Variants in PTPRK observed in about 807,000 individuals in gnomAD.
PTPRK encodes the protein receptor-type tyrosine-protein phosphatase kappa.
PTPRK carries 75 observed loss-of-function variants against 178.0 expected under a neutral mutation model. The observed-to-expected ratio is 0.42, with a 90% CI of 0.35 to 0.51. The LOEUF is 0.51. PTPRK is among the 20% of genes least tolerant of loss of function. The pLI is 0.02. For missense variants in PTPRK, 1,441 were observed against 1,797.8 expected (o/e 0.80, Z 3.59); for synonymous variants, 637 against 620.6 (o/e 1.03, Z -0.39).
chr6:128,260,624 T>C lies in PTPRK; in HGVS notation c.496-18022A>G, dbSNP rs557527393. Among the ~76,000 whole-genome samples the C allele has an allele frequency of 1.1e-4, 17 of 152,306 alleles. No homozygotes were observed. The South Asian group carries it at 3.3e-3, about 30-fold the overall frequency. On this transcript the variant is annotated intron_variant, in intron 3 of 29. Coordinates refer to ENST00000368226, the MANE Select transcript of PTPRK (RefSeq NM_002844.4). ...AAGATGCTTGTATAATGTCCATTTA[T>C]GAAAGCAGTTTCCTAATCTCCTAAT... is the stretch of plus-strand genomic sequence containing the variant.
intron 7 of PTPRK, among the ~76,000 whole-genome samples, chr6:128,095,585 C>G (rs1021793636): frequency 6.6e-6 from 1 of 152,136 alleles, no homozygotes; most frequent in Non-Finnish European, 1.5e-5. Flanking sequence ...TTGGACACCC[C>G]ATCAATCAGG....
In PTPRK at chr6:128,322,307, GA is replaced by G. The variant is rs762949659; in HGVS notation, c.226del (p.Ser76ProfsTer3). The G allele has an allele frequency of 2.6e-6, 4 of 1,567,896 alleles. No individual in the cohort carries two copies. The highest frequency in any genetic ancestry group is 3.5e-6 in the Non-Finnish European group (4 of 1,139,928). The part of the protein sequence containing the change: ...HYLPPEMPQG[S>X]YMIVDSSDHD... The stretch of plus-strand genomic sequence containing the variant: ...ATCTGAAGAGTCCACTATCATATAG[GA>G]ACCTGAAATGACATTACAAATAATA... On this transcript the variant is annotated frameshift_variant and splice_region_variant, in exon 3 of 30. Transcript: ENST00000368226. LOFTEE classifies it high-confidence loss of function.
chr6:128,412,815 G>T (rs914127934), intron 1 of PTPRK, among the ~76,000 whole-genome samples: 1 of 152,152 alleles, frequency 6.6e-6, no homozygotes, highest in Non-Finnish European at 1.5e-5. Flanking sequence ...TTTTAAGTAA[G>T]CTGTTGGCAC....
At position 128,331,705 on chromosome 6, in the gene PTPRK, T is replaced by C. The variant is rs577645965; in HGVS notation, c.224-9395A>G. 2.0e-5 allele frequency among the ~76,000 whole-genome samples: 3 copies of C among 152,252 alleles called. No individual in the cohort carries two copies. The South Asian group carries it at 6.2e-4, about 32-fold the overall frequency. On this transcript the variant is annotated intron_variant, in intron 2 of 29. Transcript: ENST00000368226. Reference sequence around the variant, plus strand: ...ATCATACAGTTTGTTTCTAAGACAGTATGAGGCAAATATTACAAAATGTCA... The same window carrying C: ...ATCATACAGTTTGTTTCTAAGACAGCATGAGGCAAATATTACAAAATGTCA...
chr6:128,295,705 A>G (rs1315869626), intron 3 of PTPRK, among the ~76,000 whole-genome samples: 1 of 152,108 alleles, frequency 6.6e-6, no homozygotes, highest in Non-Finnish European at 1.5e-5. Context: ...CAATAAACTT[A>G]AGCAAGTTAG....
chr6:127,994,722 CA>C (rs1776953031), intron 18 of PTPRK, among the ~76,000 whole-genome samples: 1 of 151,738 alleles, frequency 6.6e-6, no homozygotes, highest in African/African-American at 2.4e-5. Flanking sequence ...AATATATGAT[CA>C]AAGCAACCTT....
intron 3 of PTPRK, among the ~76,000 whole-genome samples, chr6:128,296,400 G>A (rs991597873): frequency 6.6e-6 from 1 of 152,228 alleles, no homozygotes; most frequent in African/African-American, 2.4e-5. Flanking sequence ...CTCGAGAAGA[G>A]CAACTCCAAG....
chr6:128,317,786 G>C (rs1828217429), intron 3 of PTPRK, among the ~76,000 whole-genome samples: 1 of 152,038 alleles, frequency 6.6e-6, no homozygotes, highest in Non-Finnish European at 1.5e-5. Flanking sequence ...TTTATTATCA[G>C]GGAGGAACAT....
intron 3 of PTPRK, among the ~76,000 whole-genome samples, chr6:128,270,777 A>G (rs1289762147): frequency 6.6e-6 from 1 of 152,118 alleles, no homozygotes; most frequent in East Asian, 1.9e-4. Context: ...GAAAATTTTA[A>G]TTTATTTCTC....
intron 2 of PTPRK, among the ~76,000 whole-genome samples, chr6:128,355,274 G>A (rs2128339302): frequency 6.6e-6 from 1 of 152,218 alleles, no homozygotes; most frequent in Admixed American, 6.5e-5. Flanking sequence ...AAGCTGCCTA[G>A]CAAACCATTT....
At chr6:128,445,218 ATAATTTATATATAATAGTATAAATAC>A (rs1331580346) in intron 1 of PTPRK, among the ~76,000 whole-genome samples, 7 of 140,326 alleles carry the variant, frequency 5.0e-5, no homozygotes, top group African/African-American at 1.9e-4. Context: ...ATATATATAT[ATAATTTATATATAATAGTATAAATAC>A]TATATATAAT....
chr6:128,186,120 C>T (rs927094088), intron 6 of PTPRK, among the ~76,000 whole-genome samples: 1 of 152,012 alleles, frequency 6.6e-6, no homozygotes, highest in African/African-American at 2.4e-5. Flanking sequence ...AATTGAGTAG[C>T]TATTAATTGT....
intron 13 of PTPRK, among the ~76,000 whole-genome samples, chr6:128,027,183 T>C (rs773412539): frequency 3.9e-5 from 6 of 152,232 alleles, no homozygotes; most frequent in Non-Finnish European, 5.9e-5. Flanking sequence ...TCAAAGTATT[T>C]TGAAGTAAAA....
intron 7 of PTPRK, among the ~76,000 whole-genome samples, chr6:128,183,288 T>C (rs148420724): frequency 1.8e-3 from 279 of 152,294 alleles, no homozygotes; most frequent in African/African-American, 6.6e-3. Context: ...ATGACCTCGA[T>C]TGAAAGGACA....
At chr6:128,508,630 C>T (rs549768627) in intron 1 of PTPRK, among the ~76,000 whole-genome samples, 1 of 152,236 alleles carries the variant, frequency 6.6e-6, no homozygotes, top group South Asian at 2.1e-4. Flanking sequence ...CCTTGGCCAA[C>T]TGTGGTCCAA....
chr6:127,995,396 A>T, intron 18 of PTPRK, 66 bp downstream of exon 18: 1 of 1,476,900 alleles, frequency 6.8e-7, no homozygotes, highest in Non-Finnish European at 9.4e-7. Flanking sequence ...CTTTATAGGT[A>T]ATAAGCAAAA....
chr6:128,222,478 C>T (rs1810593258), intron 5 of PTPRK, among the ~76,000 whole-genome samples: 1 of 152,152 alleles, frequency 6.6e-6, no homozygotes, highest in Non-Finnish European at 1.5e-5. Flanking sequence ...CTCCCTAACC[C>T]AGTCCTGTGA....
At chr6:128,335,602 G>T (rs1420117289) in intron 2 of PTPRK, among the ~76,000 whole-genome samples, 1 of 151,736 alleles carries the variant, frequency 6.6e-6, no homozygotes, top group East Asian at 1.9e-4. Context: ...GAGAAAATAG[G>T]GTTATTTTAT....
chr6:127,986,994 T>C (rs1167214450), intron 21 of PTPRK, among the ~76,000 whole-genome samples: 2 of 152,048 alleles, frequency 1.3e-5, no homozygotes, highest in African/African-American at 4.8e-5. Flanking sequence ...CAATGGAAAA[T>C]CACCTTTTGC....
Sources: gnomAD v4.1 joint callset for allele counts (sites outside exome capture counted in the v4.1 genomes callset) on GRCh38, gnomAD v4.1.1 for gene constraint, MANE v1.5 for transcripts, NCBI Gene and HGNC (gene_info 2026-07-23, HGNC 2026-07-21) for gene names.